CCAR1: variants seen among roughly 807,000 people sequenced by gnomAD.
CCAR1 encodes cell division cycle and apoptosis regulator 1, also known as cell division cycle and apoptosis regulator protein 1.
In CCAR1, 78 loss-of-function variants were observed where a neutral mutation model predicts 163.8. That is an observed-to-expected ratio of 0.48 (90% CI 0.40 to 0.57). The LOEUF (loss-of-function observed/expected upper bound fraction) is 0.57. Ranked by LOEUF, CCAR1 falls within the 20% of genes least tolerant of loss-of-function variation. The pLI is 0.00. For missense variants in CCAR1, 1,019 were observed against 1,365.2 expected, an observed-to-expected ratio of 0.75 and a Z score of 4.00; for synonymous variants, 443 against 460.7, an observed-to-expected ratio of 0.96 and a Z score of 0.49.
chr10:68,761,012 T>C lies in CCAR1; in HGVS notation c.1926T>C (p.Asn642=), dbSNP rs766376892. ...SKLDPKTMKV[N]DLRKELESRA... ...TTTCTGCTCCATATATTCAGGTAAATGACCTCCGAAAAGAATTAGAAAGTC... is the reference window on the plus strand; with the variant it reads ...TTTCTGCTCCATATATTCAGGTAAACGACCTCCGAAAAGAATTAGAAAGTC... Residue 642 remains asparagine, a synonymous_variant, in exon 16 of 25, where the codon AAT becomes AAC. Coordinates refer to ENST00000265872, the MANE Select transcript of CCAR1 (RefSeq NM_018237.4). 1 of 1,365,486 alleles carries C rather than the reference T, an allele frequency of 7.3e-7. No homozygotes were observed. The highest frequency in any genetic ancestry group is 2.5e-5 in the Admixed American group (1 of 39,342). The allele number at this position is 1,365,486 out of a possible 1,614,324, so 84.6% of individuals were successfully genotyped here.
chr10:68,766,161 TTTTC>T, intron 17 of CCAR1, 82 bp downstream of exon 17: 4 of 881,104 alleles, frequency 4.5e-6, no homozygotes, highest in Admixed American at 2.8e-5. Context: ...CTGAAATCTT[TTTTC>T]TTTGTTTTTC....
At chr10:68,753,634 A>G (rs1273879891) in intron 10 of CCAR1, among the ~76,000 whole-genome samples, 1 of 152,200 alleles carries the variant, frequency 6.6e-6, no homozygotes, top group African/African-American at 2.4e-5. Flanking sequence ...CAAAATAAGG[A>G]TAACACTGAG....
In CCAR1 at chr10:68,756,529, C is replaced by A; in HGVS notation, c.1836+46C>A. ...TTTCTATTTCCGCTTCTCACAGGCA[C>A]AGGAACACAGGCACAAATGCACACC... On this transcript the variant is annotated intron_variant, in intron 14 of 24. Coordinates refer to ENST00000265872, the MANE Select transcript of CCAR1 (RefSeq NM_018237.4). This position sits in a 1 kb window ranked among gnomAD's most constrained non-coding sequence, Gnocchi z 5.1. The A allele has an allele frequency of 6.9e-7, 1 of 1,442,440 alleles. No individual in the cohort carries two copies. The allele number at this position is 1,442,440 out of a possible 1,614,324, so 89.4% of individuals were successfully genotyped here.
At chr10:68,734,771 G>A (rs2056085830) in intron 2 of CCAR1, among the ~76,000 whole-genome samples, 1 of 152,104 alleles carries the variant, frequency 6.6e-6, no homozygotes, top group Admixed American at 6.6e-5. Context: ...GGAGCTAGTG[G>A]TCATTTTTCT....
intron 16 of CCAR1, among the ~76,000 whole-genome samples, chr10:68,762,132 G>C (rs531894523): frequency 6.6e-6 from 1 of 151,480 alleles, no homozygotes; most frequent in African/African-American, 2.4e-5. Context: ...GATCGAGACC[G>C]TCCTGGCTAA....
At chr10:68,782,492 T>G (rs949875949) in intron 19 of CCAR1, among the ~76,000 whole-genome samples, 1 of 152,036 alleles carries the variant, frequency 6.6e-6, no homozygotes, top group East Asian at 1.9e-4. Context: ...AAAATGGCTA[T>G]GCTAAGTAAA....
intron 19 of CCAR1, among the ~76,000 whole-genome samples, chr10:68,782,793 T>C (rs1235361378): frequency 6.6e-6 from 1 of 152,136 alleles, no homozygotes; most frequent in Non-Finnish European, 1.5e-5. Context: ...TTTTACTCCT[T>C]TATCATGTAA....
intron 23 of CCAR1, 125 bp downstream of exon 23, chr10:68,788,453 A>G (rs2056819539): frequency 1.9e-6 from 1 of 538,808 alleles, no homozygotes; most frequent in Non-Finnish European, 2.9e-6. Context: ...AGATATTTTC[A>G]TCGAAGTACA....
At chr10:68,769,940 C>CA (rs10527624) in intron 17 of CCAR1, among the ~76,000 whole-genome samples, 1,431 of 69,436 alleles carry the variant, frequency 0.021, 33 homozygotes, top group African/African-American at 0.052. Flanking sequence ...GACTCTGTCT[C>CA]AAAAAAAAAA....
At chr10:68,788,579 G>A (rs754440251) in intron 23 of CCAR1, among the ~76,000 whole-genome samples, 6 of 152,048 alleles carry the variant, frequency 3.9e-5, no homozygotes, top group Non-Finnish European at 5.9e-5. Flanking sequence ...CTGCCTCCCG[G>A]ATCCAAGTGA....
chr10:68,723,711 G>A (rs2055895605), intron 2 of CCAR1, among the ~76,000 whole-genome samples: 1 of 151,698 alleles, frequency 6.6e-6, no homozygotes, highest in African/African-American at 2.4e-5. Flanking sequence ...AGTCGGGCAT[G>A]GTGGCAGGCA....
chr10:68,757,342 A>T lies in CCAR1; in HGVS notation c.1885A>T (p.Thr629Ser). 1 of 1,589,676 alleles carries T rather than the reference A, an allele frequency of 6.3e-7. No homozygotes were observed. Residue 629 changes from threonine (T) to serine (S), a missense_variant, in exon 15 of 25, where the codon ACC becomes TCC. By Grantham distance (58) the Thr-to-Ser change is moderately conservative. This residue lies in a region of CCAR1 where 644 missense variants were observed against 904.4 expected (regional missense o/e 0.71). Transcript: ENST00000265872. The part of the protein sequence containing the change: ...DGEAKEISTP[T>S]HWSKLDPKTM... Reference sequence around the variant, plus strand: ...TGAAGCTAAAGAAATTTCTACACCTACCCATTGGTCTAAACTTGATCCAAA... The same window carrying T: ...TGAAGCTAAAGAAATTTCTACACCTTCCCATTGGTCTAAACTTGATCCAAA...
rs771008954 is a variant in CCAR1, at chr10:68,788,150, A to G, written c.3009A>G (p.Arg1003=). The part of the protein sequence containing the change: ...ESLQEDMLGN[R]LLLPTPTVKQ... ...GTATATTTTATATTATAGGAAACAG[A>G]TTATTACTTCCAACACCAACAGTAA... Residue 1003 remains arginine (R), a synonymous_variant, in exon 23 of 25, where the codon AGA becomes AGG. Transcript: ENST00000265872. The G allele has an allele frequency of 7.7e-6, 12 of 1,565,092 alleles. No homozygotes were observed. The highest frequency in any genetic ancestry group is 4.1e-5 in the African/African-American group (3 of 72,376).
At chr10:68,766,177 C>G (rs914804172) in intron 17 of CCAR1, 98 bp downstream of exon 17, 1 of 799,020 alleles carries the variant, frequency 1.3e-6, no homozygotes, top group Non-Finnish European at 1.9e-6. Context: ...TTGTTTTTCG[C>G]TTTTCGTGGT....
At position 68,760,126 on chromosome 10, in the gene CCAR1, C is replaced by T. The variant is rs143088590; in HGVS notation, c.1921-881C>T. 4.0e-3 allele frequency among the ~76,000 whole-genome samples: 608 copies of T among 152,270 alleles called. 3 individuals carry two copies. The highest frequency in any genetic ancestry group is 5.1e-3 in the Non-Finnish European group (345 of 68,024). Reference sequence around the variant, plus strand: ...GGATTACAGGCACGAGCCACCATTCCCTGCTGGTGTTACTCCTCTGTTGGA... The same window carrying T: ...GGATTACAGGCACGAGCCACCATTCTCTGCTGGTGTTACTCCTCTGTTGGA... On this transcript the variant is annotated intron_variant, in intron 15 of 24. Transcript: ENST00000265872.
intron 19 of CCAR1, among the ~76,000 whole-genome samples, chr10:68,785,247 G>T (rs1409430555): frequency 1.3e-5 from 2 of 148,736 alleles, no homozygotes; most frequent in African/African-American, 5.0e-5. Flanking sequence ...TTGAGACAGG[G>T]TCTCGCTTTG....
rs1188997256 is a variant in CCAR1 at position 68,755,431 on chromosome 10, C to T, written c.1520C>T (p.Ser507Leu). Residue 507 changes from serine to leucine, a missense_variant, in exon 13 of 25, where the codon TCG becomes TTG. By Grantham distance (145) the Ser-to-Leu change is moderately radical. This residue lies in a region of CCAR1 where 644 missense variants were observed against 904.4 expected (regional missense o/e 0.71). Coordinates refer to ENST00000265872, the MANE Select transcript of CCAR1 (RefSeq NM_018237.4). ...AMAIGGHWSP[S>L]LDGPDPEKDP... The stretch of plus-strand genomic sequence containing the variant: ...GCCATTGGAGGCCACTGGTCTCCTT[C>T]GTTGGATGGACCAGACCCAGAAAAA... 3.1e-6 allele frequency: 5 copies of T among 1,613,810 alleles called. No homozygotes were observed. Among genetic ancestry groups the T allele is most frequent in the East Asian group, 2.2e-5 (1 of 44,904 alleles).
At chr10:68,728,073 G>C (rs2055974368) in intron 2 of CCAR1, among the ~76,000 whole-genome samples, 1 of 151,840 alleles carries the variant, frequency 6.6e-6, no homozygotes, top group Non-Finnish European at 1.5e-5. Flanking sequence ...CTGACCTCAG[G>C]TAATCCATCC....
intron 19 of CCAR1, among the ~76,000 whole-genome samples, chr10:68,785,681 C>T (rs1027751706): frequency 6.6e-6 from 1 of 152,120 alleles, no homozygotes; most frequent in South Asian, 2.1e-4. Flanking sequence ...AGTTGTACAA[C>T]CATCACCACA....
Sources: gnomAD v4.1 joint callset for allele counts (sites outside exome capture counted in the v4.1 genomes callset) on GRCh38, gnomAD v4.1.1 for gene constraint, gnomAD v4.1.1 regional missense constraint, Gnocchi (gnomAD v3.1) non-coding constraint, MANE v1.5 for transcripts, NCBI Gene and HGNC (gene_info 2026-07-23, HGNC 2026-07-21) for gene names.